Variants in VMA22 observed in about 807,000 individuals in gnomAD.
VMA22 encodes the protein vacuolar ATPase assembly factor VMA22.
At chr2:130,339,301 T>TC in the VMA22 span, 2 of 1,454,258 alleles carry the variant, frequency 1.4e-6, no homozygotes, top group South Asian at 2.4e-5. Context: ...GATCTGGATA[T>TC]CCCCAGAAAT....
At chr2:130,340,991 G>A in the VMA22 span, 3 of 1,613,212 alleles carry the variant, frequency 1.9e-6, no homozygotes, top group Non-Finnish European at 2.5e-6. Context: ...AGGGGCCTCA[G>A]AGGACTCCGG....
chr2:130,342,159 C>G, the VMA22 span: 1 of 1,609,998 alleles, frequency 6.2e-7, no homozygotes, highest in Admixed American at 1.7e-5. Context: ...CACCTTCTTC[C>G]TTGTCACCCT....
the VMA22 span, chr2:130,339,899 T>C: frequency 8.6e-7 from 1 of 1,159,736 alleles, no homozygotes; most frequent in Non-Finnish European, 1.1e-6. Context: ...TCAAAAACTT[T>C]GGAATTTAAA....
At chr2:130,341,528 A>C in the VMA22 span, 14 of 713,104 alleles carry the variant, frequency 2.0e-5, no homozygotes, top group African/African-American at 2.0e-4. Flanking sequence ...CTAAGGCAAA[A>C]CCACCCTACA....
Sources: allele counts gnomAD v4.1 joint callset, GRCh38; gene constraint gnomAD v4.1.1; transcripts MANE v1.5; gene names NCBI Gene and HGNC (gene_info 2026-07-23, HGNC 2026-07-21).